TRAPPC9: variants seen among roughly 807,000 people sequenced by gnomAD.
The protein encoded by TRAPPC9 is trafficking protein particle complex subunit 9.
Under a neutral mutation model 124.0 loss-of-function variants are expected in TRAPPC9, and 83 were observed. The observed-to-expected ratio is 0.67, with a 90% confidence interval of 0.56 to 0.80. The LOEUF is 0.80. Ranked by LOEUF, TRAPPC9 falls within the 30% of genes least tolerant of loss-of-function variation. The pLI is 0.00. For synonymous variants in TRAPPC9, 638 were observed against 617.5 expected, an observed-to-expected ratio of 1.03 and a Z score of -0.49; for missense variants, 1,302 against 1,508.3, an observed-to-expected ratio of 0.86 and a Z score of 2.27.
intron 18 of TRAPPC9, among the ~76,000 whole-genome samples, chr8:140,012,788 C>A (rs1839219370): frequency 6.6e-6 from 1 of 152,218 alleles, no homozygotes; most frequent in Admixed American, 6.5e-5. Flanking sequence ...CCTAGCATGT[C>A]AAATGTACAA....
In TRAPPC9 at chr8:139,988,852, A is replaced by T. The variant is rs1837440019; in HGVS notation, c.2700-16T>A. 6.6e-7 allele frequency: 1 copy of T among 1,510,868 alleles called. No homozygotes were observed. 93.6% of individuals were successfully genotyped at this position (1,510,868 alleles called of 1,614,324 possible). A position where few individuals can be genotyped will look rare whatever the true frequency, so the allele number is the denominator to read the frequency against. On this transcript the variant is annotated splice_polypyrimidine_tract_variant and intron_variant, in intron 18 of 22. Coordinates refer to ENST00000438773, the MANE Select transcript of TRAPPC9 (RefSeq NM_001160372.4). ...CTGCCGGGTACTGCGTTAAAGAAAA[A>T]AGAAAGTTCAGAATCCTCTGACAGC...
At chr8:140,109,382 C>G (rs978388451) in intron 17 of TRAPPC9, among the ~76,000 whole-genome samples, 2 of 152,084 alleles carry the variant, frequency 1.3e-5, no homozygotes, top group Admixed American at 1.3e-4. Flanking sequence ...GCAAGGTCAC[C>G]ACTGGTCAAA....
intron 19 of TRAPPC9, among the ~76,000 whole-genome samples, chr8:139,963,512 G>A (rs1835481498): frequency 6.6e-6 from 1 of 152,100 alleles, no homozygotes; most frequent in Admixed American, 6.5e-5. Flanking sequence ...TTGGAGGGAT[G>A]GGAGACTCGT....
chr8:140,051,576 CTTTTTTT>C (rs1197128988), intron 17 of TRAPPC9, among the ~76,000 whole-genome samples: 16 of 88,026 alleles, frequency 1.8e-4, no homozygotes, highest in Non-Finnish European at 2.4e-4. Flanking sequence ...ATTGTTCATT[CTTTTTTT>C]TTTTTTTTTT....
intron 16 of TRAPPC9, among the ~76,000 whole-genome samples, chr8:140,229,663 G>A (rs1332466334): frequency 1.3e-5 from 2 of 151,998 alleles, no homozygotes; most frequent in Non-Finnish European, 2.9e-5. Flanking sequence ...CTGCTTCCCA[G>A]GTTCATGCCT....
chr8:139,952,317 T>C (rs920488757), intron 19 of TRAPPC9, among the ~76,000 whole-genome samples: 1 of 152,202 alleles, frequency 6.6e-6, no homozygotes, highest in Non-Finnish European at 1.5e-5. Flanking sequence ...TTATTATTAT[T>C]GTCACAGAAG....
chr8:139,888,259 G>C (rs1209100582), intron 20 of TRAPPC9, among the ~76,000 whole-genome samples: 2 of 152,194 alleles, frequency 1.3e-5, no homozygotes, highest in Non-Finnish European at 2.9e-5. Context: ...TCTCTTCGTG[G>C]AGCTTGGTGC....
intron 19 of TRAPPC9, among the ~76,000 whole-genome samples, chr8:139,972,788 G>T (rs1836187733): frequency 6.6e-6 from 1 of 152,234 alleles, no homozygotes; most frequent in Admixed American, 6.5e-5. Flanking sequence ...CTAAAACATG[G>T]AGGATGCAAA....
intron 17 of TRAPPC9, among the ~76,000 whole-genome samples, chr8:140,103,054 G>A (rs555631742): frequency 6.6e-6 from 1 of 152,294 alleles, no homozygotes; most frequent in East Asian, 1.9e-4. Context: ...TCCACTAGCA[G>A]AAGGAGCATG....
At chr8:140,349,461 G>T (rs1477666171) in intron 9 of TRAPPC9, among the ~76,000 whole-genome samples, 2 of 151,540 alleles carry the variant, frequency 1.3e-5, no homozygotes, top group Non-Finnish European at 2.9e-5. Flanking sequence ...GGCACACAGG[G>T]GGGCCGAAGG....
chr8:139,843,685 G>C (rs2130898771), intron 21 of TRAPPC9, among the ~76,000 whole-genome samples: 1 of 152,302 alleles, frequency 6.6e-6, no homozygotes, highest in Middle Eastern at 3.4e-3. Context: ...GCTGGCTTTG[G>C]TGGAAGGGGC....
chr8:139,797,801 T>C (rs1249798413), intron 21 of TRAPPC9, among the ~76,000 whole-genome samples: 1 of 152,252 alleles, frequency 6.6e-6, no homozygotes, highest in Non-Finnish European at 1.5e-5. Flanking sequence ...GAAAATCGCT[T>C]GGCCGTAAAT....
intron 18 of TRAPPC9, among the ~76,000 whole-genome samples, chr8:140,013,334 C>T (rs1443165680): frequency 6.6e-6 from 1 of 152,170 alleles, no homozygotes; most frequent in Admixed American, 6.5e-5. Flanking sequence ...TCAAGCCACT[C>T]CTGACCCTAA....
At position 140,019,621 on chromosome 8, in the gene TRAPPC9, T is replaced by TGGCTCACTGCAATCTC. The variant is rs1301078334; in HGVS notation, c.2699+4300_2699+4315dup. 1.3e-3 allele frequency among the ~76,000 whole-genome samples: 194 copies of TGGCTCACTGCAATCTC among 145,422 alleles called. 1 individual carries two copies. Among genetic ancestry groups the TGGCTCACTGCAATCTC allele is most frequent in the Middle Eastern group, 0.011 (3 of 270 alleles). On this transcript the variant is annotated intron_variant, in intron 18 of 22. Transcript: ENST00000438773. The stretch of plus-strand genomic sequence containing the variant: ...AGGCTGGAGTGCAGTGGTGCAATCT[T>TGGCTCACTGCAATCTC]GGCTCACTGCAATCTCTGCCTCATG...
In TRAPPC9 at chr8:140,063,599, A is replaced by G. The variant is rs1842753281; in HGVS notation, c.2557-39520T>C. On this transcript the variant is annotated intron_variant, in intron 17 of 22. Coordinates refer to ENST00000438773, the MANE Select transcript of TRAPPC9 (RefSeq NM_001160372.4). The surrounding 1 kb of genome is among the most constrained non-coding windows in gnomAD (Gnocchi z 4.3). ...GGCAATAAAGAAAACTTAGATTTTG[A>G]TAATCAGTAAAAACAGTACCTGAGT... 6.6e-6 allele frequency among the ~76,000 whole-genome samples: 1 copy of G among 152,222 alleles called. No individual in the cohort carries two copies. The highest frequency in any genetic ancestry group is 1.5e-5 in the Non-Finnish European group (1 of 68,040).
At chr8:139,991,736 T>A (rs1328148789) in intron 18 of TRAPPC9, among the ~76,000 whole-genome samples, 1 of 152,136 alleles carries the variant, frequency 6.6e-6, no homozygotes, top group Non-Finnish European at 1.5e-5. Context: ...CCTGGCAGCA[T>A]GGAGGAGCCC....
At chr8:140,303,440 G>T (rs1344955326) in intron 10 of TRAPPC9, among the ~76,000 whole-genome samples, 1 of 152,180 alleles carries the variant, frequency 6.6e-6, no homozygotes. Context: ...ACTACTGTTG[G>T]CTACTGTGTA....
intron 21 of TRAPPC9, among the ~76,000 whole-genome samples, chr8:139,794,121 G>A (rs918288422): frequency 1.1e-4 from 16 of 151,694 alleles, no homozygotes; most frequent in African/African-American, 3.2e-4. Context: ...GGCTCTGAGC[G>A]TCGCTGGGCA....
chr8:140,162,549 CA>C (rs2061768975), intron 17 of TRAPPC9, among the ~76,000 whole-genome samples: 3 of 152,206 alleles, frequency 2.0e-5, no homozygotes, highest in African/African-American at 7.2e-5. Context: ...GAAAGATCAA[CA>C]AACTATATCG....
Sources: allele counts gnomAD v4.1 joint callset (sites outside exome capture counted in the v4.1 genomes callset), GRCh38; gene constraint gnomAD v4.1.1; non-coding constraint Gnocchi (gnomAD v3.1); transcripts MANE v1.5; gene names NCBI Gene and HGNC (gene_info 2026-07-23, HGNC 2026-07-21).